The following FHIT variants were observed in gnomAD, a reference collection of about 807,000 sequenced individuals.
The protein encoded by FHIT is bis(5'-adenosyl)-triphosphatase.
A neutral mutation model predicts 17.9 loss-of-function variants in FHIT; 19 were observed. The ratio of observed to expected loss-of-function variants is 1.06; its 90% CI spans 0.74 to 1.56. FHIT has a LOEUF of 1.56. FHIT is among the 40% of genes most tolerant of loss of function. The pLI is 0.00. For missense variants in FHIT, 248 were observed against 189.2 expected (o/e 1.31, Z -1.82); for synonymous variants, 81 against 69.7 (o/e 1.16, Z -0.81).
At chr3:60,697,761 A>T (rs754293220) in intron 4 of FHIT, among the ~76,000 whole-genome samples, 3 of 152,210 alleles carry the variant, frequency 2.0e-5, no homozygotes, top group Non-Finnish European at 2.9e-5. Flanking sequence ...GACTATAAAC[A>T]TAAGTATGCT....
At chr3:60,194,991 C>T (rs927780570) in intron 5 of FHIT, among the ~76,000 whole-genome samples, 6 of 152,064 alleles carry the variant, frequency 3.9e-5, no homozygotes, top group Admixed American at 1.3e-4. Flanking sequence ...CATGGAGAAA[C>T]GCTGTAACAA....
At position 59,973,187 on chromosome 3, in the gene FHIT, G is replaced by A. The variant is rs61039804; in HGVS notation, c.279+38184C>T. On this transcript the variant is annotated intron_variant, in intron 7 of 9. Transcript: ENST00000492590. The stretch of plus-strand genomic sequence containing the variant: ...CAAATGCATCTTGCCTTATCCACTC[G>A]CATTTCCTCTAATCTGTCTTCCATC... Among the ~76,000 whole-genome samples, 485 of 152,008 alleles carry A rather than the reference G, an allele frequency of 3.2e-3. 3 individuals are homozygous for A. The highest frequency in any genetic ancestry group is 0.011 in the African/African-American group (460 of 41,462).
chr3:60,136,012 T>C (rs1440581661), intron 5 of FHIT, among the ~76,000 whole-genome samples: 4 of 152,178 alleles, frequency 2.6e-5, no homozygotes, highest in East Asian at 1.9e-4. Context: ...ATTTGAGTAA[T>C]TGCTGGTTTA....
intron 1 of FHIT, among the ~76,000 whole-genome samples, chr3:61,220,095 G>C (rs975963245): frequency 1.3e-5 from 2 of 152,174 alleles, no homozygotes; most frequent in African/African-American, 4.8e-5. Context: ...CTAGGAAAGA[G>C]TCTGTGCATT....
At chr3:59,867,439 A>G (rs1702705874) in intron 8 of FHIT, among the ~76,000 whole-genome samples, 1 of 152,088 alleles carries the variant, frequency 6.6e-6, no homozygotes, top group African/African-American at 2.4e-5. Flanking sequence ...CAAGACAGAA[A>G]TTGCTCCCCT....
chr3:60,672,525 G>A (rs1273854138), intron 4 of FHIT, among the ~76,000 whole-genome samples: 1 of 152,178 alleles, frequency 6.6e-6, no homozygotes, highest in East Asian at 1.9e-4. Context: ...GTGATGGAAT[G>A]TCATCAGTTA....
At chr3:59,976,773 G>A (rs1263374046) in intron 7 of FHIT, among the ~76,000 whole-genome samples, 1 of 152,088 alleles carries the variant, frequency 6.6e-6, no homozygotes, top group East Asian at 1.9e-4. Context: ...AAGGCCAGTT[G>A]TTTCAAATGT....
intron 1 of FHIT, among the ~76,000 whole-genome samples, chr3:61,204,199 A>C (rs2039129202): frequency 6.6e-6 from 1 of 152,206 alleles, no homozygotes; most frequent in Non-Finnish European, 1.5e-5. Flanking sequence ...AAAATAAAGA[A>C]AGGGAAGAAA....
intron 2 of FHIT, among the ~76,000 whole-genome samples, chr3:61,043,440 T>C (rs2033626852): frequency 6.6e-6 from 1 of 152,158 alleles, no homozygotes; most frequent in African/African-American, 2.4e-5. Flanking sequence ...GCATCCATCA[T>C]TGCTGAGGCT....
chr3:60,608,849 A>T (rs1223922376), intron 4 of FHIT, among the ~76,000 whole-genome samples: 4 of 152,154 alleles, frequency 2.6e-5, no homozygotes, highest in African/African-American at 9.7e-5. Flanking sequence ...AGTCTGTAAC[A>T]ATTTCTTCTC....
At position 60,864,671 on chromosome 3, in the gene FHIT, G is replaced by A. The variant is rs543980694; in HGVS notation, c.-110-42660C>T. Among the ~76,000 whole-genome samples the A allele has an allele frequency of 2.0e-5, 3 of 152,204 alleles. No homozygotes were observed. The South Asian group carries it at 6.2e-4, about 32-fold the overall frequency. ...AAAGACTTGAACCTCTCAGCAGTTT[G>A]AATTTCGTTCTAAAGCTATCAAAAG... is the stretch of plus-strand genomic sequence containing the variant. On this transcript the variant is annotated intron_variant, in intron 3 of 9. Transcript: ENST00000492590.
At chr3:60,565,336 C>A (rs1371908063) in intron 4 of FHIT, among the ~76,000 whole-genome samples, 1 of 152,136 alleles carries the variant, frequency 6.6e-6, no homozygotes, top group Non-Finnish European at 1.5e-5. Context: ...GGTGGGCATA[C>A]TACCCATGCT....
At chr3:60,212,822 G>C (rs1370435290) in intron 5 of FHIT, among the ~76,000 whole-genome samples, 2 of 152,152 alleles carry the variant, frequency 1.3e-5, no homozygotes, top group East Asian at 1.9e-4. Context: ...CAAAGAAAAA[G>C]GACATGGCGG....
At chr3:59,963,291 T>A (rs1559502398) in intron 7 of FHIT, among the ~76,000 whole-genome samples, 1 of 151,612 alleles carries the variant, frequency 6.6e-6, no homozygotes. Flanking sequence ...ATAATAATAA[T>A]AAAAGAAAAG....
At chr3:59,887,385 T>C (rs1169291535) in intron 8 of FHIT, among the ~76,000 whole-genome samples, 2 of 152,282 alleles carry the variant, frequency 1.3e-5, no homozygotes, top group African/African-American at 2.4e-5. Context: ...TTTCAGAACA[T>C]TGCCCTTTTA....
At chr3:59,923,645 C>T (rs1332769603) in intron 7 of FHIT, among the ~76,000 whole-genome samples, 19 of 152,004 alleles carry the variant, frequency 1.2e-4, no homozygotes, top group African/African-American at 2.4e-5. Context: ...TATTACAAAC[C>T]GTGGGGAGGA....
intron 5 of FHIT, among the ~76,000 whole-genome samples, chr3:60,330,203 A>C (rs1274396901): frequency 6.6e-6 from 1 of 152,192 alleles, no homozygotes; most frequent in Non-Finnish European, 1.5e-5. Flanking sequence ...AGACTGACAG[A>C]GCAAGTATTC....
chr3:59,969,026 A>G (rs1264775959), intron 7 of FHIT, among the ~76,000 whole-genome samples: 2 of 152,164 alleles, frequency 1.3e-5, no homozygotes, highest in African/African-American at 4.8e-5. Context: ...TGGGAAATAT[A>G]CAAAGAAGAG....
At chr3:60,403,679 G>T (rs1047345723) in intron 5 of FHIT, among the ~76,000 whole-genome samples, 11 of 152,186 alleles carry the variant, frequency 7.2e-5, no homozygotes, top group African/African-American at 1.7e-4. Flanking sequence ...GAGAGGCAAA[G>T]ATGAATGCAG....
Sources: gnomAD v4.1 joint callset for allele counts (sites outside exome capture counted in the v4.1 genomes callset) on GRCh38, gnomAD v4.1.1 for gene constraint, MANE v1.5 for transcripts, NCBI Gene and HGNC (gene_info 2026-07-23, HGNC 2026-07-21) for gene names.